ATM: variants seen among roughly 807,000 people sequenced by gnomAD.
ATM encodes ATM serine/threonine kinase.
A neutral mutation model predicts 387.0 loss-of-function variants in ATM; 308 were observed. The observed-to-expected ratio is 0.80, with a 90% CI of 0.73 to 0.87. ATM has a LOEUF of 0.87. Among genes scored for constraint, ATM ranks in the 40% least tolerant of loss-of-function variants. The pLI, the probability that ATM is intolerant of heterozygous loss-of-function variation, is 0.00. For missense variants in ATM, 3,312 were observed against 3,560.9 expected (o/e 0.93, Z 1.78); for synonymous variants, 1,156 against 1,187.3 (o/e 0.97, Z 0.54).
chr11:108,337,311 A>G (rs1038696015), intron 56 of ATM, among the ~76,000 whole-genome samples: 27 of 152,202 alleles, frequency 1.8e-4, no homozygotes. Flanking sequence ...ATAATAACTA[A>G]CATAATAGAT....
chr11:108,357,600 C>T (rs1363753355), intron 61 of ATM, among the ~76,000 whole-genome samples: 1 of 152,038 alleles, frequency 6.6e-6, no homozygotes, highest in Non-Finnish European at 1.5e-5. Context: ...GGAGATCGGA[C>T]AACAGGCAGA....
Position 108,282,646 on chromosome 11 carries a change from A to G in ATM, c.3577-64A>G, listed in dbSNP as rs2135684439. 2 of 1,472,014 alleles carry G rather than the reference A, an allele frequency of 1.4e-6. 1 individual carries two copies. The highest frequency in any genetic ancestry group is 1.9e-6 in the Non-Finnish European group (2 of 1,059,616). 91.2% of individuals were successfully genotyped at this position (1,472,014 alleles called of 1,614,324 possible). A position where few individuals can be genotyped will look rare whatever the true frequency, so the allele number is the denominator to read the frequency against. On this transcript the variant is annotated intron_variant, in intron 24 of 62. Coordinates refer to ENST00000675843, the MANE Select transcript of ATM (RefSeq NM_000051.4). ...CTAGGTCCTACTCTAAATAATATTA[A>G]CAAGCATTTAAATGATTTATTTTTT...
rs4988009 is a variant in ATM, at chr11:108,293,191, G to A, written c.4612-122G>A. 2,645 of 678,370 alleles carry A rather than the reference G, an allele frequency of 3.9e-3. 50 individuals carry two copies. Among genetic ancestry groups the A allele is most frequent in the Non-Finnish European group, 1.7e-3 (726 of 422,858 alleles). The allele number at this position is 678,370 out of a possible 1,614,324, so 42.0% of individuals were successfully genotyped here. A position where few individuals can be genotyped will look rare whatever the true frequency, so the allele number is the denominator to read the frequency against. On this transcript the variant is annotated intron_variant, in intron 30 of 62. Transcript: ENST00000675843. ...AAACTAAAAGCTGGGTATCTTAGAC[G>A]TAATTAGAACATTTAATCTGATCTA... is the stretch of plus-strand genomic sequence containing the variant.
Position 108,292,629 on chromosome 11 carries a change from A to T in ATM, c.4447A>T (p.Ile1483Phe), listed in dbSNP as rs1281685502. The T allele has an allele frequency of 1.9e-6, 3 of 1,613,690 alleles. No individual in the cohort carries two copies. Among genetic ancestry groups the T allele is most frequent in the Non-Finnish European group, 2.5e-6 (3 of 1,179,870 alleles). The change falls in exon 30 of 63, where the codon ATC (isoleucine) becomes TTC (phenylalanine). Residue 1483 changes from isoleucine to phenylalanine, a missense_variant. Physicochemically the swap from Ile to Phe is conservative, Grantham distance 21 (BLOSUM62 0). Transcript: ENST00000675843. ...TTCTCCCTATATTAGGCCTTCTTGT[A>T]TCATGGATGTGTCATTACGTAGCTT... is the stretch of plus-strand genomic sequence containing the variant. ...IHYINQRPSC[I>F]MDVSLRSFSL...
Position 108,349,060 on chromosome 11 carries a change from C to T in ATM, c.8671+1695C>T, listed in dbSNP as rs150567291. Among the ~76,000 whole-genome samples the T allele has an allele frequency of 3.9e-5, 6 of 152,142 alleles. No individual in the cohort carries two copies. The East Asian group carries it at 7.7e-4, about 20-fold the overall frequency. On this transcript the variant is annotated intron_variant, in intron 59 of 62. Coordinates refer to ENST00000675843, the MANE Select transcript of ATM (RefSeq NM_000051.4). ...GGAGGTTCTGATCTCACACATCATC[C>T]GTGATAAAGAGACCTAAAGATGAAA...
chr11:108,285,319 CTCT>C, intron 26 of ATM, among the ~76,000 whole-genome samples: 1 of 92,762 alleles, frequency 1.1e-5, no homozygotes, highest in South Asian at 3.7e-4. Context: ...ACATTTTTCT[CTCT>C]TTTTTTTTTT....
chr11:108,331,469 A>T lies in ATM; in HGVS notation c.7541A>T (p.Tyr2514Phe), dbSNP rs1555123994. ...MKRDGMKIPTYKFLPLMYQLA... is the reference protein window; with the variant it reads ...MKRDGMKIPTFKFLPLMYQLA... ...AGAGACGGAATGAAGATTCCAACATATAAATTTTTGCCTCTTATGTACCAA... is the reference window on the plus strand; with the variant it reads ...AGAGACGGAATGAAGATTCCAACATTTAAATTTTTGCCTCTTATGTACCAA... The change falls in exon 51 of 63, where the codon TAT (tyrosine) becomes TTT (phenylalanine). Residue 2514 changes from tyrosine to phenylalanine, a missense_variant. Tyr to Phe is a conservative substitution (Grantham distance 22, BLOSUM62 3). Coordinates refer to ENST00000675843, the MANE Select transcript of ATM (RefSeq NM_000051.4). 6.2e-7 allele frequency: 1 copy of T among 1,613,494 alleles called. No homozygotes were observed.
At chr11:108,357,997 G>T (rs1465274713) in intron 61 of ATM, among the ~76,000 whole-genome samples, 1 of 146,960 alleles carries the variant, frequency 6.8e-6, no homozygotes, top group East Asian at 2.0e-4. Context: ...AAATTACTCT[G>T]AGCTACGGGA....
chr11:108,282,943 A>G, intron 25 of ATM, 64 bp downstream of exon 25: 2 of 1,117,704 alleles, frequency 1.8e-6, no homozygotes, highest in Non-Finnish European at 2.6e-6. Flanking sequence ...ATACTTAGCA[A>G]GTCCCCTCAC....
intron 16 of ATM, among the ~76,000 whole-genome samples, chr11:108,262,865 C>G (rs1244819543): frequency 8.2e-6 from 1 of 121,370 alleles, no homozygotes; most frequent in Non-Finnish European, 1.8e-5. Flanking sequence ...TTTAAACCAA[C>G]AAAGATCAAA....
intron 16 of ATM, among the ~76,000 whole-genome samples, chr11:108,265,327 T>C (rs1321412987): frequency 4.2e-4 from 64 of 152,040 alleles, no homozygotes; most frequent in African/African-American, 1.1e-3. Context: ...GAAATAACGC[T>C]GCATATCTAC....
At chr11:108,229,769 T>G (rs960983926) in intron 4 of ATM, 2 of 162,016 alleles carry the variant, frequency 1.2e-5, no homozygotes, top group Admixed American at 6.3e-5. Context: ...AGGCTGAAGC[T>G]TCTCTGTTCC....
intron 39 of ATM, 67 bp from the exon 40 acceptor site, chr11:108,312,344 A>G: frequency 8.5e-7 from 1 of 1,177,706 alleles, no homozygotes; most frequent in Non-Finnish European, 1.3e-6. Context: ...CAAAGTCTAT[A>G]GTATATGTAT....
Position 108,268,360 on chromosome 11 carries a change from A to T in ATM, c.2639-50A>T, listed in dbSNP as rs376186575. ...GAAATTTGAGTTAATATGACTATAT[A>T]TGGCTGTTGTGCCCTTCTCTTAGTG... On this transcript the variant is annotated intron_variant, in intron 17 of 62. Coordinates refer to ENST00000675843, the MANE Select transcript of ATM (RefSeq NM_000051.4). 4.5e-6 allele frequency: 7 copies of T among 1,544,298 alleles called. No homozygotes were observed. The African/African-American group carries it at 8.2e-5, about 18-fold the overall frequency.
At chr11:108,278,295 T>C (rs569339228) in intron 22 of ATM, among the ~76,000 whole-genome samples, 1 of 152,336 alleles carries the variant, frequency 6.6e-6, no homozygotes, top group East Asian at 1.9e-4. Context: ...TGAATATGTT[T>C]AGTAGTTCAA....
intron 58 of ATM, among the ~76,000 whole-genome samples, chr11:108,346,898 C>G (rs1355060039): frequency 6.6e-6 from 1 of 152,020 alleles, no homozygotes; most frequent in African/African-American, 2.4e-5. Flanking sequence ...AGAGTTTATC[C>G]ATAGACTTCT....
chr11:108,261,976 G>A (rs1020287153), intron 16 of ATM, among the ~76,000 whole-genome samples: 2 of 152,188 alleles, frequency 1.3e-5, no homozygotes, highest in African/African-American at 4.8e-5. Flanking sequence ...AGAAATATGG[G>A]ACTATGGGAA....
At chr11:108,235,975 G>T in intron 5 of ATM, 141 bp downstream of exon 5, 3 of 861,942 alleles carry the variant, frequency 3.5e-6, no homozygotes, top group Non-Finnish European at 5.6e-6. Flanking sequence ...TATGGTTATC[G>T]AACTGACCCT....
rs3092992 is a variant in ATM, at chr11:108,325,052, A to C, written c.6573-258A>C. On this transcript the variant is annotated intron_variant, in intron 45 of 62. Transcript: ENST00000675843. ...GAAGGGCTGCTTTTTGTAATGTCAG[A>C]GTATTAAAAATTTTTTTTGATGTTT... Among the ~76,000 whole-genome samples, 4,732 of 152,210 alleles carry C rather than the reference A, an allele frequency of 0.031. 120 individuals are homozygous for C. The highest frequency in any genetic ancestry group is 0.051 in the Non-Finnish European group (3,479 of 67,996).
Sources: allele counts gnomAD v4.1 joint callset (sites outside exome capture counted in the v4.1 genomes callset), GRCh38; gene constraint gnomAD v4.1.1; transcripts MANE v1.5; gene names NCBI Gene and HGNC (gene_info 2026-07-23, HGNC 2026-07-21).